The following PPP2R3B variants were observed in gnomAD, a reference collection of about 807,000 sequenced individuals.
The protein encoded by PPP2R3B is serine/threonine-protein phosphatase 2A regulatory subunit B'' subunit beta.
Under a neutral mutation model 72.9 loss-of-function variants are expected in PPP2R3B, and 68 were observed. That is an observed-to-expected ratio of 0.93 (90% CI 0.77 to 1.14). The LOEUF (loss-of-function observed/expected upper bound fraction) is 1.14, where lower values mean the gene tolerates loss of function less well. Ranked by LOEUF, PPP2R3B falls within the 50% of genes most tolerant of loss-of-function variation. The pLI, the probability that PPP2R3B is intolerant of heterozygous loss-of-function variation, is 0.00. For synonymous variants in PPP2R3B, 466 were observed against 375.8 expected (o/e 1.24, Z -2.78); for missense variants, 1,018 against 842.0 (o/e 1.21, Z -2.59).
intron 1 of PPP2R3B, among the ~76,000 whole-genome samples, chrX:384,026 A>T (rs1451193113): frequency 1.3e-5 from 2 of 152,006 alleles, no homozygotes; most frequent in South Asian, 4.1e-4. Flanking sequence ...TCTGTGGCAA[A>T]CAAGACCAAG....
intron 2 of PPP2R3B, 91 bp downstream of exon 2, chrX:361,314 T>G (rs1432309481): frequency 1.4e-6 from 2 of 1,440,726 alleles, no homozygotes; most frequent in East Asian, 2.4e-5. Flanking sequence ...CTCACGCTCG[T>G]GTGACACGCA....
chrX:365,095 C>T (rs1467517589), intron 1 of PPP2R3B, among the ~76,000 whole-genome samples: 2 of 84,594 alleles, frequency 2.4e-5, no homozygotes, highest in African/African-American at 9.6e-5. Flanking sequence ...TGCCTGTAAT[C>T]CCAGCTACTT....
At chrX:359,261 G>A (rs1403630014) in intron 2 of PPP2R3B, among the ~76,000 whole-genome samples, 1 of 152,210 alleles carries the variant, frequency 6.6e-6, no homozygotes, top group Non-Finnish European at 1.5e-5. Flanking sequence ...ACCTCCCAGT[G>A]AAGGAACTCT....
chrX:386,364 TTAC>T lies in PPP2R3B; in HGVS notation c.324+1_324+3del. ...AGTTGTTAGCAGAAGGAAGAGTAAC[TTAC>T]TACTCTCGTCCCTGCGGATCTACGG... On this transcript the variant is annotated splice_donor_variant and splice_donor_region_variant and intron_variant, in intron 1 of 12. Coordinates refer to ENST00000390665, the MANE Select transcript of PPP2R3B (RefSeq NM_013239.5). LOFTEE classifies it high-confidence loss of function. The T allele has an allele frequency of 1.5e-6, 2 of 1,312,956 alleles. No homozygotes were observed. The highest frequency in any genetic ancestry group is 6.3e-5 in the South Asian group (2 of 31,682). The allele number at this position is 1,312,956 out of a possible 1,614,324, so 81.3% of individuals were successfully genotyped here.
chrX:355,507 C>T (rs1308658055), intron 2 of PPP2R3B, among the ~76,000 whole-genome samples: 16 of 152,244 alleles, frequency 1.1e-4, no homozygotes, highest in Non-Finnish European at 2.1e-4. Context: ...ACGGTGGGAA[C>T]GAACAACGGT....
At chrX:369,275 T>C (rs1302083598) in intron 1 of PPP2R3B, among the ~76,000 whole-genome samples, 1 of 152,210 alleles carries the variant, frequency 6.6e-6, no homozygotes, top group Non-Finnish European at 1.5e-5. Flanking sequence ...CAGAGGGGCC[T>C]GTGGCGGCCA....
intron 1 of PPP2R3B, among the ~76,000 whole-genome samples, chrX:381,028 T>C (rs1054974750): frequency 2.0e-5 from 3 of 151,424 alleles, no homozygotes; most frequent in African/African-American, 7.3e-5. Flanking sequence ...CTCGAACTCC[T>C]GGGATCTTCC....
At chrX:380,786 C>CA (rs1054118917) in intron 1 of PPP2R3B, among the ~76,000 whole-genome samples, 2,772 of 52,700 alleles carry the variant, frequency 0.053, 143 homozygotes, top group Non-Finnish European at 0.062. Flanking sequence ...AACTCCATCT[C>CA]AAAAAAAAAA....
chrX:355,399 A>G (rs2071415355), intron 2 of PPP2R3B, among the ~76,000 whole-genome samples: 1 of 152,216 alleles, frequency 6.6e-6, no homozygotes, highest in Non-Finnish European at 1.5e-5. Context: ...AAGCCTCAAT[A>G]TGGTCAAGAT....
chrX:361,759 G>T, intron 1 of PPP2R3B, 169 bp from the exon 2 acceptor site: 1 of 265,382 alleles, frequency 3.8e-6, no homozygotes, highest in Non-Finnish European at 5.8e-6. Context: ...GTACTCCACT[G>T]CAGGGCCCAC....
intron 1 of PPP2R3B, among the ~76,000 whole-genome samples, chrX:371,672 C>A (rs1351968128): frequency 1.3e-5 from 2 of 152,132 alleles, no homozygotes; most frequent in Admixed American, 6.5e-5. Flanking sequence ...GGAGGTGCGG[C>A]ACCCCAACAC....
At chrX:363,716 C>G (rs2071614582) in intron 1 of PPP2R3B, among the ~76,000 whole-genome samples, 1 of 152,268 alleles carries the variant, frequency 6.6e-6, no homozygotes. Context: ...CTTCCCGAGC[C>G]CACAACGCAT....
chrX:368,585 C>T (rs1384933938), intron 1 of PPP2R3B, among the ~76,000 whole-genome samples: 3 of 94,088 alleles, frequency 3.2e-5, no homozygotes, highest in African/African-American at 4.4e-5. Flanking sequence ...ACCACCCACC[C>T]CGGGCACCGA....
chrX:347,897 A>G, intron 2 of PPP2R3B: 1 of 551,378 alleles, frequency 1.8e-6, no homozygotes, highest in Non-Finnish European at 3.2e-6. Context: ...TGAGCGTGGG[A>G]GTGCCGGGCA....
In PPP2R3B at chrX:338,587, C is replaced by T. The variant is rs369571428; in HGVS notation, c.1577+17G>A. On this transcript the variant is annotated intron_variant, in intron 12 of 12. Transcript: ENST00000390665. ...CCCACTGACCCGTCCCCCCACTCAC[C>T]CGTCCTCCCCACTCACCCGTCCTCC... The T allele has an allele frequency of 1.1e-4, 167 of 1,584,302 alleles. No homozygotes were observed. In the African/African-American group the frequency reaches 2.0e-3, roughly 19 times the overall value.
intron 1 of PPP2R3B, among the ~76,000 whole-genome samples, chrX:369,665 C>T (rs913522743): frequency 3.8e-4 from 58 of 152,358 alleles, no homozygotes; most frequent in South Asian, 1.2e-3. Context: ...GGCAGACCCC[C>T]GCATGTGCAG....
In PPP2R3B at chrX:363,394, G is replaced by A. The variant is rs1183898842; in HGVS notation, c.325-1804C>T. ...CCACCATCCCACAGTGCATCTCCCC[G>A]AGCCCGCAATCCCACAGTGCATCTC... is the stretch of plus-strand genomic sequence containing the variant. On this transcript the variant is annotated intron_variant, in intron 1 of 12. Coordinates refer to ENST00000390665, the MANE Select transcript of PPP2R3B (RefSeq NM_013239.5). Among the ~76,000 whole-genome samples, 177 of 144,154 alleles carry A rather than the reference G, an allele frequency of 1.2e-3. 3 individuals carry two copies. The highest frequency in any genetic ancestry group is 4.1e-3 in the African/African-American group (153 of 37,234). The allele number at this position is 144,154 out of a possible 152,430, so 94.6% of individuals were successfully genotyped here.
chrX:373,597 G>C, intron 1 of PPP2R3B: 1 of 294,832 alleles, frequency 3.4e-6, no homozygotes, highest in Non-Finnish European at 7.2e-6. Context: ...CCGCGGGCCA[G>C]TGAGGCCAGC....
chrX:344,650 G>C (rs971459151), intron 7 of PPP2R3B, among the ~76,000 whole-genome samples: 1 of 152,248 alleles, frequency 6.6e-6, no homozygotes, highest in Non-Finnish European at 1.5e-5. Context: ...AGGCCACACG[G>C]GCCGGCGCTG....
Sources: allele counts gnomAD v4.1 joint callset (sites outside exome capture counted in the v4.1 genomes callset), GRCh38; gene constraint gnomAD v4.1.1; transcripts MANE v1.5; gene names NCBI Gene and HGNC (gene_info 2026-07-23, HGNC 2026-07-21).